HOGA1: variants seen among roughly 807,000 people sequenced by gnomAD.
HOGA1 encodes the protein 4-hydroxy-2-oxoglutarate aldolase 1.
HOGA1 carries 30 observed loss-of-function variants against 34.3 expected under a neutral mutation model. The ratio of observed to expected loss-of-function variants is 0.87; its 90% CI spans 0.65 to 1.19. The LOEUF (loss-of-function observed/expected upper bound fraction) is 1.19, where lower values mean the gene tolerates loss of function less well. Ranked by LOEUF, HOGA1 falls within the 50% of genes most tolerant of loss-of-function variation. The pLI, the probability that HOGA1 is intolerant of heterozygous loss-of-function variation, is 0.00. For missense variants in HOGA1, 417 were observed against 436.5 expected (o/e 0.96, Z 0.40); for synonymous variants, 161 against 174.0 (o/e 0.93, Z 0.59).
At chr10:97,588,106 C>T (rs1215004559) in intron 1 of HOGA1, among the ~76,000 whole-genome samples, 9 of 152,114 alleles carry the variant, frequency 5.9e-5, no homozygotes, top group African/African-American at 2.2e-4. Context: ...GCCACCATGC[C>T]CGGCCCCGTG....
At chr10:97,590,126 A>G (rs2041007274) in intron 1 of HOGA1, 1 of 1,613,880 alleles carries the variant, frequency 6.2e-7, no homozygotes, top group Admixed American at 1.7e-5. Context: ...TCACATAGAG[A>G]CCTTCACCAC....
chr10:97,599,153 G>T lies in HOGA1; in HGVS notation c.405G>T (p.Val135=), dbSNP rs2135721741. The T allele has an allele frequency of 1.2e-6, 2 of 1,613,902 alleles. No individual in the cohort carries two copies. The highest frequency in any genetic ancestry group is 1.7e-6 in the Non-Finnish European group (2 of 1,180,032). The change falls in exon 3 of 7, where the codon GTG becomes GTT. Residue 135 remains valine, a synonymous_variant. Transcript: ENST00000370646. ...AGGTCGGGGCTGACGCGGCCATGGTGGTGACCCCTTGCTACTATCGTGGCC... is the reference window on the plus strand; with the variant it reads ...AGGTCGGGGCTGACGCGGCCATGGTTGTGACCCCTTGCTACTATCGTGGCC... The part of the protein sequence containing the change: ...MAQVGADAAM[V]VTPCYYRGRM...
intron 6 of HOGA1, among the ~76,000 whole-genome samples, chr10:97,607,321 C>G (rs967778045): frequency 1.3e-5 from 2 of 152,180 alleles, no homozygotes; most frequent in African/African-American, 4.8e-5. Context: ...CTGGCCTGCT[C>G]TGACACCACC....
chr10:97,605,195 GC>G (rs2041147847), intron 6 of HOGA1, among the ~76,000 whole-genome samples: 1 of 152,070 alleles, frequency 6.6e-6, no homozygotes, highest in African/African-American at 2.4e-5. Flanking sequence ...GAATGCTTGA[GC>G]CCAGGAGTTC....
At chr10:97,589,872 C>T (rs777038816) in intron 1 of HOGA1, 1 of 1,585,072 alleles carries the variant, frequency 6.3e-7, no homozygotes, top group South Asian at 1.1e-5. Flanking sequence ...CTGGGGACTG[C>T]CCTCTTGCTA....
chr10:97,593,084 C>T lies in HOGA1; in HGVS notation c.212-5691C>T, dbSNP rs116876972. 2.8e-3 allele frequency among the ~76,000 whole-genome samples: 415 copies of T among 146,676 alleles called. 2 individuals carry two copies. Among genetic ancestry groups the T allele is most frequent in the Admixed American group, 4.2e-3 (61 of 14,604 alleles). The stretch of plus-strand genomic sequence containing the variant: ...GTCAGATCACTCACTGTTAAGACTA[C>T]GTAAAGACAAAGAAGAGTAGTTAAC... On this transcript the variant is annotated intron_variant, in intron 1 of 6. Coordinates refer to ENST00000370646, the MANE Select transcript of HOGA1 (RefSeq NM_138413.4).
intron 1 of HOGA1, chr10:97,589,620 C>CCCAAA: frequency 5.2e-6 from 2 of 386,158 alleles, no homozygotes; most frequent in Non-Finnish European, 9.5e-6. Flanking sequence ...CTCCCCACCC[C>CCCAAA]ACTCTCCCCA....
intron 1 of HOGA1, 122 bp from the exon 2 acceptor site, chr10:97,598,653 C>T: frequency 4.6e-6 from 6 of 1,291,796 alleles, no homozygotes; most frequent in Admixed American, 1.7e-5. Flanking sequence ...GTGTGGGAAC[C>T]TTCTGTCTGC....
At chr10:97,585,139 T>C (rs1311000642) in intron 1 of HOGA1, among the ~76,000 whole-genome samples, 1 of 152,186 alleles carries the variant, frequency 6.6e-6, no homozygotes, top group East Asian at 1.9e-4. Context: ...CCTGCTTCAG[T>C]TTACCCAGCT....
intron 1 of HOGA1, among the ~76,000 whole-genome samples, chr10:97,589,103 CCCG>C (rs2040996836): frequency 6.6e-6 from 1 of 152,070 alleles, no homozygotes; most frequent in South Asian, 2.1e-4. Context: ...GGGATCTAGA[CCCG>C]ATGAAGTCTC....
At chr10:97,610,640 A>G (rs1490770773) in intron 6 of HOGA1, among the ~76,000 whole-genome samples, 5 of 152,048 alleles carry the variant, frequency 3.3e-5, no homozygotes, top group African/African-American at 1.2e-4. Context: ...CAAAAATAAA[A>G]TAAAATAAAA....
chr10:97,605,655 T>C (rs77252507), intron 6 of HOGA1, among the ~76,000 whole-genome samples: 2,086 of 152,280 alleles, frequency 0.014, 60 homozygotes, highest in African/African-American at 0.048. Flanking sequence ...AACCGTCTCA[T>C]TGTGGTTTTA....
intron 1 of HOGA1, chr10:97,590,803 A>G (rs2041015859): frequency 3.3e-6 from 2 of 603,160 alleles, no homozygotes; most frequent in African/African-American, 1.9e-5. Flanking sequence ...GAGAGCTGGG[A>G]GGACACAGCG....
At chr10:97,590,110 C>T (rs942609041) in intron 1 of HOGA1, 2 of 1,614,132 alleles carry the variant, frequency 1.2e-6, no homozygotes, top group African/African-American at 1.3e-5. Flanking sequence ...AGGTCAGCTC[C>T]ACGGTTCACA....
intron 6 of HOGA1, chr10:97,602,536 C>T (rs2041127485): frequency 2.0e-6 from 2 of 985,258 alleles, no homozygotes; most frequent in Admixed American, 1.2e-4. Flanking sequence ...AGTTCAGGGT[C>T]ATTCTGAAGT....
In HOGA1 at chr10:97,611,689, C is replaced by A. The variant is rs1298661128; in HGVS notation, c.*30C>A. ...AGGCAGGGTCCATGGCTGGCCTGAG[C>A]CCATCTCAGCCTCCTGCCTTGCACT... On this transcript the variant is annotated 3_prime_UTR_variant, in exon 7 of 7. Transcript: ENST00000370646. 1.2e-6 allele frequency: 2 copies of A among 1,600,754 alleles called. No individual in the cohort carries two copies. Among genetic ancestry groups the A allele is most frequent in the Admixed American group, 1.7e-5 (1 of 58,014 alleles).
rs56897479 is a variant in HOGA1, at chr10:97,591,791, ATT to A, written c.211+6888_211+6889del. The stretch of plus-strand genomic sequence containing the variant: ...AGGTGTGTGGAACCACACCTGGCTA[ATT>A]TTTTTTTTTTCTTTTCTTTCATTTT... On this transcript the variant is annotated intron_variant, in intron 1 of 6. Transcript: ENST00000370646. 9.6e-3 allele frequency among the ~76,000 whole-genome samples: 1,035 copies of A among 107,446 alleles called. 5 individuals carry two copies. Among genetic ancestry groups the A allele is most frequent in the Middle Eastern group, 0.019 (3 of 158 alleles). The allele number at this position is 107,446 out of a possible 152,430, so 70.5% of individuals were successfully genotyped here. A position where few individuals can be genotyped will look rare whatever the true frequency, so the allele number is the denominator to read the frequency against.
At chr10:97,591,361 C>T (rs1395480899) in intron 1 of HOGA1, among the ~76,000 whole-genome samples, 1 of 152,150 alleles carries the variant, frequency 6.6e-6, no homozygotes, top group East Asian at 1.9e-4. Context: ...CTCCCCACCA[C>T]CTAAGTCTAC....
chr10:97,604,311 C>A (rs75597615), intron 6 of HOGA1, among the ~76,000 whole-genome samples: 1 of 151,998 alleles, frequency 6.6e-6, no homozygotes, highest in Non-Finnish European at 1.5e-5. Flanking sequence ...TATTGCCGTA[C>A]CACAGCATGT....
Sources: gnomAD v4.1 joint callset for allele counts (sites outside exome capture counted in the v4.1 genomes callset) on GRCh38, gnomAD v4.1.1 for gene constraint, MANE v1.5 for transcripts, NCBI Gene and HGNC (gene_info 2026-07-23, HGNC 2026-07-21) for gene names.